The following KCNQ1 variants were observed in gnomAD, a reference collection of about 807,000 sequenced individuals.
The protein encoded by KCNQ1 is potassium voltage-gated channel subfamily KQT member 1.
In KCNQ1, 49 loss-of-function variants were observed where a neutral mutation model predicts 72.4. That is an observed-to-expected ratio of 0.68 (90% confidence interval 0.54 to 0.86). The LOEUF is 0.86. Ranked by LOEUF, KCNQ1 falls within the 40% of genes least tolerant of loss-of-function variation. The pLI is 0.00. For missense variants in KCNQ1, 790 were observed against 945.1 expected (o/e 0.84, Z 2.15); for synonymous variants, 450 against 412.6 (o/e 1.09, Z -1.10).
rs904865299 is a variant in KCNQ1 at position 2,602,334 on chromosome 11, C to G, written c.1393+13480C>G. Among the ~76,000 whole-genome samples the G allele has an allele frequency of 1.2e-4, 18 of 151,188 alleles. No individual in the cohort carries two copies. The highest frequency in any genetic ancestry group is 4.4e-4 in the African/African-American group (18 of 41,254). ...CCACTAAGTTTGTGGAAATGTATTA[C>G]AGCAGCCATGGGAACCTTATACATT... On this transcript the variant is annotated intron_variant, in intron 10 of 15. Coordinates refer to ENST00000155840, the MANE Select transcript of KCNQ1 (RefSeq NM_000218.3). This position sits in a 1 kb window ranked among gnomAD's most constrained non-coding sequence, Gnocchi z 4.8.
rs1008369281 is a variant in KCNQ1, at chr11:2,579,637, G to T, written c.922-3798G>T. Among the ~76,000 whole-genome samples the T allele has an allele frequency of 2.0e-5, 3 of 152,178 alleles. No homozygotes were observed. The highest frequency in any genetic ancestry group is 4.4e-5 in the Non-Finnish European group (3 of 68,032). ...TCTGGGGCCGGGTCTGGGCAGACAG[G>T]CAGACCAGGCGAAGGTGGGGTCCTG... On this transcript the variant is annotated intron_variant, in intron 6 of 15. Coordinates refer to ENST00000155840, the MANE Select transcript of KCNQ1 (RefSeq NM_000218.3). The surrounding 1 kb of genome is among the most constrained non-coding windows in gnomAD (Gnocchi z 6.0).
In KCNQ1 at chr11:2,451,924, G is replaced by A. The variant is rs955577001; in HGVS notation, c.386+6440G>A. ...ATGCTGTGGTCTCAAGTGAGGTGGT[G>A]CACTATTCCTGGCCTCAGGCCCAGT... On this transcript the variant is annotated intron_variant, in intron 1 of 15. Coordinates refer to ENST00000155840, the MANE Select transcript of KCNQ1 (RefSeq NM_000218.3). The surrounding 1 kb of genome is among the most constrained non-coding windows in gnomAD (Gnocchi z 6.4). Among the ~76,000 whole-genome samples the A allele has an allele frequency of 6.6e-6, 1 of 152,176 alleles. No homozygotes were observed. The highest frequency in any genetic ancestry group is 1.5e-5 in the Non-Finnish European group (1 of 68,016).
chr11:2,651,020 T>A lies in KCNQ1; in HGVS notation c.1394-10941T>A. 1 of 398,766 alleles carries A rather than the reference T, an allele frequency of 2.5e-6. No individual in the cohort carries two copies. The highest frequency in any genetic ancestry group is 4.4e-6 in the Non-Finnish European group (1 of 226,144). 24.7% of individuals were successfully genotyped at this position (398,766 alleles called of 1,614,324 possible). A position where few individuals can be genotyped will look rare whatever the true frequency, so the allele number is the denominator to read the frequency against. Reference sequence around the variant, plus strand: ...TGCCCACACCTAGTCTCTCCAGCTATCTCCCTGGTTAAAACCACCACCATT... The same window carrying A: ...TGCCCACACCTAGTCTCTCCAGCTAACTCCCTGGTTAAAACCACCACCATT... On this transcript the variant is annotated intron_variant, in intron 10 of 15. Coordinates refer to ENST00000155840, the MANE Select transcript of KCNQ1 (RefSeq NM_000218.3). The surrounding 1 kb of genome is among the most constrained non-coding windows in gnomAD (Gnocchi z 6.1).
intron 2 of KCNQ1, among the ~76,000 whole-genome samples, chr11:2,557,660 C>T (rs1267187082): frequency 1.3e-5 from 2 of 152,168 alleles, no homozygotes; most frequent in Non-Finnish European, 2.9e-5. Flanking sequence ...TGGTAAGGCT[C>T]CTGTTCATGA....
At chr11:2,465,269 G>T (rs940920785) in intron 1 of KCNQ1, among the ~76,000 whole-genome samples, 1 of 152,168 alleles carries the variant, frequency 6.6e-6, no homozygotes, top group Non-Finnish European at 1.5e-5. Flanking sequence ...AGCTGGCACC[G>T]TGACCCCTTC....
chr11:2,677,493 A>C lies in KCNQ1; in HGVS notation c.1514+15412A>C. 2.5e-6 allele frequency: 1 copy of C among 398,592 alleles called. No homozygotes were observed. Among genetic ancestry groups the C allele is most frequent in the South Asian group, 1.3e-4 (1 of 7,856 alleles). 24.7% of individuals were successfully genotyped at this position (398,592 alleles called of 1,614,324 possible). On this transcript the variant is annotated intron_variant, in intron 11 of 15. Coordinates refer to ENST00000155840, the MANE Select transcript of KCNQ1 (RefSeq NM_000218.3). This position sits in a 1 kb window ranked among gnomAD's most constrained non-coding sequence, Gnocchi z 4.5. Reference sequence around the variant, plus strand: ...GAAACCATGCCATACTTCTACAAAAAATGATCCTCTCTGTGGAAGTGCTGC... The same window carrying C: ...GAAACCATGCCATACTTCTACAAAACATGATCCTCTCTGTGGAAGTGCTGC...
intron 11 of KCNQ1, chr11:2,665,086 C>G (rs573196193): frequency 1.0e-4 from 41 of 398,466 alleles, no homozygotes; most frequent in African/African-American, 7.4e-4. Context: ...ACGGGGTACC[C>G]AGGAGATAAA....
chr11:2,529,371 G>A lies in KCNQ1; in HGVS notation c.477+1353G>A, dbSNP rs149890725. Among the ~76,000 whole-genome samples the A allele has an allele frequency of 2.4e-3, 371 of 151,902 alleles. 1 individual carries two copies. Among genetic ancestry groups the A allele is most frequent in the African/African-American group, 8.4e-3 (346 of 41,396 alleles). On this transcript the variant is annotated intron_variant, in intron 2 of 15. Transcript: ENST00000155840. ...TGCAGCCTTGCTTTTCCCAGTGAAC[G>A]TTGCCATCACCTTATCCAGCCCCGG...
rs1223392262 is a variant in KCNQ1 at position 2,595,304 on chromosome 11, G to T, written c.1393+6450G>T. On this transcript the variant is annotated intron_variant, in intron 10 of 15. Coordinates refer to ENST00000155840, the MANE Select transcript of KCNQ1 (RefSeq NM_000218.3). This position sits in a 1 kb window ranked among gnomAD's most constrained non-coding sequence, Gnocchi z 5.0. ...AAGGTGGCAGATACAAGATTAATAT[G>T]CAAAAATCAATTCCATTCATATATT... 6.6e-6 allele frequency among the ~76,000 whole-genome samples: 1 copy of T among 152,138 alleles called. No individual in the cohort carries two copies. Among genetic ancestry groups the T allele is most frequent in the East Asian group, 1.9e-4 (1 of 5,202 alleles).
chr11:2,587,463 A>C (rs1848607502), intron 8 of KCNQ1, 107 bp from the exon 9 acceptor site: 1 of 1,517,980 alleles, frequency 6.6e-7, no homozygotes, highest in Non-Finnish European at 9.0e-7. Context: ...TGCCACCCAG[A>C]GGGGAGGGGC....
chr11:2,586,881 G>A (rs527424333), intron 8 of KCNQ1, among the ~76,000 whole-genome samples: 1 of 152,266 alleles, frequency 6.6e-6, no homozygotes, highest in East Asian at 1.9e-4. Context: ...ACAAGGCCCT[G>A]GGAGCCCCTC....
Position 2,676,270 on chromosome 11 carries a change from A to G in KCNQ1, c.1514+14189A>G, listed in dbSNP as rs1850292812. ...ATCTGAGAAGCATTTTTATTGCAAA[A>G]TGTGTGTTTACATGTATACAGACAC... is the stretch of plus-strand genomic sequence containing the variant. On this transcript the variant is annotated intron_variant, in intron 11 of 15. Transcript: ENST00000155840. The surrounding 1 kb of genome is among the most constrained non-coding windows in gnomAD (Gnocchi z 4.2). 1 of 398,528 alleles carries G rather than the reference A, an allele frequency of 2.5e-6. No homozygotes were observed. The highest frequency in any genetic ancestry group is 2.1e-5 in the African/African-American group (1 of 48,640). 24.7% of individuals were successfully genotyped at this position (398,528 alleles called of 1,614,324 possible).
At chr11:2,469,540 G>C (rs980974401) in intron 1 of KCNQ1, among the ~76,000 whole-genome samples, 1 of 152,060 alleles carries the variant, frequency 6.6e-6, no homozygotes, top group African/African-American at 2.4e-5. Flanking sequence ...CAAAGTGCTG[G>C]GATTACAGGC....
chr11:2,521,228 C>T (rs1327639837), intron 1 of KCNQ1, among the ~76,000 whole-genome samples: 3 of 152,078 alleles, frequency 2.0e-5, no homozygotes, highest in Non-Finnish European at 1.5e-5. Flanking sequence ...TCCCTCTCCC[C>T]GGCCCCGCCA....
At chr11:2,641,803 G>A (rs1203667619) in intron 10 of KCNQ1, 3 of 398,248 alleles carry the variant, frequency 7.5e-6, no homozygotes, top group Admixed American at 4.4e-5. Context: ...CCCATCTTGA[G>A]TTGATTTTAG....
At chr11:2,812,406 G>A (rs1042216846) in intron 15 of KCNQ1, among the ~76,000 whole-genome samples, 8 of 152,100 alleles carry the variant, frequency 5.3e-5, no homozygotes, top group African/African-American at 1.4e-4. Flanking sequence ...GGCAGTGCTC[G>A]GGGGCTCCAG....
At chr11:2,777,113 T>C (rs1367054484) in intron 14 of KCNQ1, 81 bp downstream of exon 14, 2 of 1,411,406 alleles carry the variant, frequency 1.4e-6, no homozygotes, top group East Asian at 4.7e-5. Flanking sequence ...GCTCTCCCCA[T>C]GATGTCAGAA....
intron 10 of KCNQ1, among the ~76,000 whole-genome samples, chr11:2,591,720 T>A (rs1224627514): frequency 1.3e-5 from 2 of 152,228 alleles, no homozygotes; most frequent in Non-Finnish European, 1.5e-5. Flanking sequence ...GAGGGGCAAG[T>A]GCGGAGAAAG....
intron 3 of KCNQ1, 80 bp downstream of exon 3, chr11:2,570,834 T>G: frequency 6.3e-7 from 1 of 1,586,650 alleles, no homozygotes; most frequent in Non-Finnish European, 8.6e-7. Flanking sequence ...CCCTACCAGA[T>G]GGAGTCCCCT....
Sources: gnomAD v4.1 joint callset for allele counts (sites outside exome capture counted in the v4.1 genomes callset) on GRCh38, gnomAD v4.1.1 for gene constraint, Gnocchi (gnomAD v3.1) non-coding constraint, MANE v1.5 for transcripts, NCBI Gene and HGNC (gene_info 2026-07-23, HGNC 2026-07-21) for gene names.